The following ZNF777 variants were observed in gnomAD, a reference collection of about 807,000 sequenced individuals.
The protein encoded by ZNF777 is zinc finger protein 777.
A neutral mutation model predicts 72.1 loss-of-function variants in ZNF777; 7 were observed. That is an observed-to-expected ratio of 0.10 (90% confidence interval 0.06 to 0.18). The LOEUF (loss-of-function observed/expected upper bound fraction) is 0.18. Among genes scored for constraint, ZNF777 ranks in the 10% least tolerant of loss-of-function variants. ZNF777 has a pLI of 1.00. For missense variants in ZNF777, 828 were observed against 1,128.6 expected (o/e 0.73, Z 3.82); for synonymous variants, 545 against 483.5 (o/e 1.13, Z -1.67).
intron 3 of ZNF777, among the ~76,000 whole-genome samples, chr7:149,453,079 C>T (rs902554828): frequency 1.3e-5 from 2 of 152,190 alleles, no homozygotes; most frequent in Non-Finnish European, 2.9e-5. Context: ...ACGGGCCCCT[C>T]TGTGCAAACC....
intron 3 of ZNF777, among the ~76,000 whole-genome samples, chr7:149,453,420 C>G (rs1237373903): frequency 7.3e-5 from 11 of 151,598 alleles, no homozygotes; most frequent in Non-Finnish European, 7.4e-5. Flanking sequence ...TTGTATATAC[C>G]CAAAAAGTTC....
Position 149,432,367 on chromosome 7 carries a change from G to C in ZNF777, c.1905C>G (p.Pro635=), listed in dbSNP as rs1335713087. ...TGCTGTCGCACTCGGGGCACTTGTAGGGCTTAGGGCCACCGCCGCCGCTAC... is the reference window on the plus strand; with the variant it reads ...TGCTGTCGCACTCGGGGCACTTGTACGGCTTAGGGCCACCGCCGCCGCTAC... ...SSGSGGGGPK[P]YKCPECDSSF... Residue 635 remains proline, a synonymous_variant, in exon 6 of 6, where the codon CCC becomes CCG. Coordinates refer to ENST00000247930, the MANE Select transcript of ZNF777 (RefSeq NM_015694.3). 6.2e-7 allele frequency: 1 copy of C among 1,612,816 alleles called. No homozygotes were observed. The highest frequency in any genetic ancestry group is 1.1e-5 in the South Asian group (1 of 91,086).
rs61005836 is a variant in ZNF777, at chr7:149,448,485, C to CTATATA, written c.1087+2508_1087+2513dup. On this transcript the variant is annotated intron_variant, in intron 4 of 5. Coordinates refer to ENST00000247930, the MANE Select transcript of ZNF777 (RefSeq NM_015694.3). Reference sequence around the variant, plus strand: ...GCTCCATCTCAAAAACAAAACAAAACTATATATATATATATATATATATAT... The same window carrying CTATATA: ...GCTCCATCTCAAAAACAAAACAAAACTATATATATATATATATATATATATATATAT... 1.7e-3 allele frequency among the ~76,000 whole-genome samples: 182 copies of CTATATA among 104,616 alleles called. 8 individuals carry two copies. The highest frequency in any genetic ancestry group is 8.1e-3 in the African/African-American group (157 of 19,410). The allele number at this position is 104,616 out of a possible 152,430, so 68.6% of individuals were successfully genotyped here.
chr7:149,460,611 C>T lies in ZNF777; in HGVS notation c.-16+204G>A, dbSNP rs1799931208. Among the ~76,000 whole-genome samples, 1 of 152,112 alleles carries T rather than the reference C, an allele frequency of 6.6e-6. No homozygotes were observed. On this transcript the variant is annotated intron_variant, in intron 1 of 5. Transcript: ENST00000247930. The surrounding 1 kb of genome is among the most constrained non-coding windows in gnomAD (Gnocchi z 6.1). ...ACTGCATCCTGGGAGGCATGTCCCTCTCAGGCCGTTTAAAGAGAAACACTC... is the reference window on the plus strand; with the variant it reads ...ACTGCATCCTGGGAGGCATGTCCCTTTCAGGCCGTTTAAAGAGAAACACTC...
At chr7:149,445,710 G>A (rs1273052569) in intron 4 of ZNF777, among the ~76,000 whole-genome samples, 2 of 152,162 alleles carry the variant, frequency 1.3e-5, no homozygotes, top group East Asian at 3.9e-4. Flanking sequence ...TGGTGCCCAT[G>A]TCCAGAGAGC....
rs1799299754 is a variant in ZNF777, at chr7:149,431,381, T to TATTA, written c.*391_*394dup. 5.3e-6 allele frequency: 2 copies of TATTA among 376,912 alleles called. No homozygotes were observed. Among genetic ancestry groups the TATTA allele is most frequent in the Non-Finnish European group, 1.0e-5 (2 of 197,438 alleles). The allele number at this position is 376,912 out of a possible 1,614,324, so 23.3% of individuals were successfully genotyped here. A position where few individuals can be genotyped will look rare whatever the true frequency, so the allele number is the denominator to read the frequency against. ...AACGCTCTTCTTTTAAAAATTACTC[T>TATTA]ATTATTATCAAATAGAACCACAGTA... On this transcript the variant is annotated 3_prime_UTR_variant, in exon 6 of 6. Transcript: ENST00000247930.
chr7:149,451,048 C>G lies in ZNF777; in HGVS notation c.1038G>C (p.Gln346His), dbSNP rs750691419. 6.2e-7 allele frequency: 1 copy of G among 1,614,022 alleles called. No homozygotes were observed. The change falls in exon 4 of 6, where the codon CAG (glutamine) becomes CAC (histidine). Residue 346 changes from glutamine to histidine, a missense_variant. This residue lies in a region of ZNF777 where 73 missense variants were observed against 90.6 expected (regional missense o/e 0.81). Coordinates refer to ENST00000247930, the MANE Select transcript of ZNF777 (RefSeq NM_015694.3). ...QMERGERPTM[Q>H]EQEDSEEGET... is the part of the protein sequence containing the mutation. ...CGCCCTCCTCAGAGTCTTCCTGCTC[C>G]TGCATGGTGGGCCGCTCCCCGCGCT...
At chr7:149,459,889 G>C (rs2116614960) in intron 1 of ZNF777, 2 of 979,240 alleles carry the variant, frequency 2.0e-6, no homozygotes, top group Admixed American at 1.2e-4. Flanking sequence ...GTGTGTGCCG[G>C]GCCGGGCGTG....
At chr7:149,451,827 T>C (rs918710171) in intron 3 of ZNF777, among the ~76,000 whole-genome samples, 1 of 152,212 alleles carries the variant, frequency 6.6e-6, no homozygotes, top group African/African-American at 2.4e-5. Context: ...GGAGGAAATA[T>C]TATACATATA....
chr7:149,455,858 G>A lies in ZNF777; in HGVS notation c.165C>T (p.Ser55=). Residue 55 remains serine, a synonymous_variant, in exon 2 of 6, where the codon TCC becomes TCT. Transcript: ENST00000247930. This position sits in a 1 kb window ranked among gnomAD's most constrained non-coding sequence, Gnocchi z 4.2. ...SLSPTIPRQG[S]LPQTSSAPKQ... is the part of the protein sequence containing the mutation. The stretch of plus-strand genomic sequence containing the variant: ...TGGGAGCACTGGAAGTTTGGGGCAG[G>A]GAGCCTTGACGGGGAATGGTGGGAG... 6.2e-7 allele frequency: 1 copy of A among 1,614,044 alleles called. No individual in the cohort carries two copies. Among genetic ancestry groups the A allele is most frequent in the Non-Finnish European group, 8.5e-7 (1 of 1,180,014 alleles).
At position 149,432,935 on chromosome 7, in the gene ZNF777, G is replaced by C; in HGVS notation, c.1340-3C>G. 1 of 1,464,918 alleles carries C rather than the reference G, an allele frequency of 6.8e-7. No homozygotes were observed. Among genetic ancestry groups the C allele is most frequent in the South Asian group, 1.4e-5 (1 of 69,038 alleles). The allele number at this position is 1,464,918 out of a possible 1,614,324, so 90.7% of individuals were successfully genotyped here. ...CTCTGTCTTGATCACGATCCCCTCT[G>C]CTCCAGGGACAGAGAGAGAAAGTCG... On this transcript the variant is annotated splice_region_variant and splice_polypyrimidine_tract_variant and intron_variant, in intron 5 of 5. Coordinates refer to ENST00000247930, the MANE Select transcript of ZNF777 (RefSeq NM_015694.3).
At position 149,432,827 on chromosome 7, in the gene ZNF777, T is replaced by A. The variant is rs779613365; in HGVS notation, c.1445A>T (p.Tyr482Phe). 2 of 1,599,976 alleles carry A rather than the reference T, an allele frequency of 1.3e-6. No individual in the cohort carries two copies. Among genetic ancestry groups the A allele is most frequent in the Admixed American group, 1.7e-5 (1 of 58,974 alleles). ...LQSLGQLSGR[Y>F]EASMYQTPLP... ...CGGGGTCTGGTACATACTGGCCTCA[T>A]ATCTCCCGGACAGCTGCCCAAGGGA... The change falls in exon 6 of 6, where the codon TAT (tyrosine) becomes TTT (phenylalanine). Residue 482 changes from tyrosine (Y) to phenylalanine (F), a missense_variant. By Grantham distance (22) the Tyr-to-Phe change is conservative. Transcript: ENST00000247930.
chr7:149,453,991 C>A, intron 3 of ZNF777, 120 bp downstream of exon 3: 1 of 1,452,562 alleles, frequency 6.9e-7, no homozygotes, highest in Non-Finnish European at 9.4e-7. Context: ...GTGATCTCTA[C>A]AACTCTGTTC....
intron 3 of ZNF777, 46 bp downstream of exon 3, chr7:149,454,065 G>A (rs1371370843): frequency 6.2e-7 from 1 of 1,610,456 alleles, no homozygotes; most frequent in East Asian, 2.2e-5. Flanking sequence ...AATGCACTTT[G>A]AGCTGGCGTC....
chr7:149,441,777 G>A (rs1188333040), intron 4 of ZNF777, among the ~76,000 whole-genome samples: 8 of 152,070 alleles, frequency 5.3e-5, no homozygotes, highest in Admixed American at 5.2e-4. Flanking sequence ...GTTAAAATAA[G>A]CATTTAATTA....
intron 2 of ZNF777, among the ~76,000 whole-genome samples, chr7:149,454,837 C>G (rs1474405102): frequency 6.6e-6 from 1 of 152,200 alleles, no homozygotes; most frequent in Non-Finnish European, 1.5e-5. Flanking sequence ...AAGCTCCTTC[C>G]TCTGCTGCAA....
intron 5 of ZNF777, among the ~76,000 whole-genome samples, chr7:149,433,332 A>G (rs563317023): frequency 2.8e-4 from 42 of 152,310 alleles, no homozygotes; most frequent in Admixed American, 1.8e-3. Context: ...GCCATGCCTG[A>G]TGCTGGAATA....
At chr7:149,440,736 C>A (rs551684434) in intron 4 of ZNF777, among the ~76,000 whole-genome samples, 21 of 146,026 alleles carry the variant, frequency 1.4e-4, no homozygotes, top group Non-Finnish European at 3.1e-4. Context: ...TCAGGGACCA[C>A]ATGCATTGTG....
Position 149,455,590 on chromosome 7 carries a change from T to C in ZNF777, c.433A>G (p.Thr145Ala), listed in dbSNP as rs1240136130. The C allele has an allele frequency of 3.1e-6, 5 of 1,610,422 alleles. No individual in the cohort carries two copies. The highest frequency in any genetic ancestry group is 4.2e-6 in the Non-Finnish European group (5 of 1,179,186). Reference sequence around the variant, plus strand: ...GGGTCCATGTCAGTCTCGGGAACTGTTGGGGAAAGGGTCAGGGGGTCTTTC... The same window carrying C: ...GGGTCCATGTCAGTCTCGGGAACTGCTGGGGAAAGGGTCAGGGGGTCTTTC... The part of the protein sequence containing the change: ...PEKDPLTLSP[T>A]VPETDMDPLL... The change falls in exon 2 of 6, where the codon ACA becomes GCA. Residue 145 changes from threonine to alanine, a missense_variant. This residue lies in a region of ZNF777 where 222 missense variants were observed against 211.2 expected (regional missense o/e 1.05). Coordinates refer to ENST00000247930, the MANE Select transcript of ZNF777 (RefSeq NM_015694.3). The surrounding 1 kb of genome is among the most constrained non-coding windows in gnomAD (Gnocchi z 4.2).
Sources: gnomAD v4.1 joint callset for allele counts (sites outside exome capture counted in the v4.1 genomes callset) on GRCh38, gnomAD v4.1.1 for gene constraint, gnomAD v4.1.1 regional missense constraint, Gnocchi (gnomAD v3.1) non-coding constraint, MANE v1.5 for transcripts, NCBI Gene and HGNC (gene_info 2026-07-23, HGNC 2026-07-21) for gene names.